The following ROBO2 variants were observed in gnomAD, a reference collection of about 807,000 sequenced individuals.
ROBO2 encodes roundabout guidance receptor 2, also known as roundabout homolog 2.
Under a neutral mutation model 160.8 loss-of-function variants are expected in ROBO2, and 53 were observed. The observed-to-expected ratio is 0.33, with a 90% CI of 0.26 to 0.41. The LOEUF (loss-of-function observed/expected upper bound fraction) is 0.41, where lower values mean the gene tolerates loss of function less well. Among genes scored for constraint, ROBO2 ranks in the 10% least tolerant of loss-of-function variants. The pLI is 1.00. For synonymous variants in ROBO2, 664 were observed against 611.7 expected (o/e 1.09, Z -1.26); for missense variants, 1,577 against 1,722.4 (o/e 0.92, Z 1.49).
chr3:77,527,607 CATA>C (rs1478635893), intron 6 of ROBO2, among the ~76,000 whole-genome samples, 193 bp downstream of exon 7: 1 of 151,322 alleles, frequency 6.6e-6, no homozygotes, highest in African/African-American at 2.4e-5. Context: ...ACTTTTGCTA[CATA>C]GCAATAAGTA....
At chr3:76,105,350 C>A (rs1336427349) in intron 2 of ROBO2, among the ~76,000 whole-genome samples, 2 of 152,086 alleles carry the variant, frequency 1.3e-5, no homozygotes. Context: ...AATAATATAA[C>A]AAATTCTTGT....
At chr3:77,375,333 A>AT (rs1553928221) in intron 2 of ROBO2, among the ~76,000 whole-genome samples, 1 of 152,140 alleles carries the variant, frequency 6.6e-6, no homozygotes, top group Non-Finnish European at 1.5e-5. Flanking sequence ...TTTCTCATTT[A>AT]TTTTTTCTGT....
intron 18 of ROBO2, 40 bp downstream of exon 19, chr3:77,595,224 A>G (rs1203033803): frequency 2.7e-6 from 4 of 1,481,910 alleles, no homozygotes; most frequent in Non-Finnish European, 3.8e-6. Flanking sequence ...TTTTATTTTT[A>G]ATCAGGACTG....
intron 3 of ROBO2, among the ~76,000 whole-genome samples, chr3:77,479,584 G>A (rs909623191): frequency 1.3e-5 from 2 of 150,510 alleles, no homozygotes; most frequent in African/African-American, 2.4e-5. Flanking sequence ...CCCAACACCA[G>A]TCTCACTATT....
intron 2 of ROBO2, among the ~76,000 whole-genome samples, chr3:76,936,456 A>G (rs1343407345): frequency 1.3e-5 from 2 of 152,122 alleles, no homozygotes; most frequent in Non-Finnish European, 2.9e-5. Context: ...TTTTGTATGC[A>G]GCAACTTCAA....
At chr3:77,575,189 T>C (rs1230997407) in intron 14 of ROBO2, among the ~76,000 whole-genome samples, 1 of 152,108 alleles carries the variant, frequency 6.6e-6, no homozygotes, top group Non-Finnish European at 1.5e-5. Flanking sequence ...CACTTGCGTA[T>C]TTGCAGTAGC....
chr3:76,693,025 TATAC>T (rs1196058960), intron 2 of ROBO2, among the ~76,000 whole-genome samples: 1 of 146,904 alleles, frequency 6.8e-6, no homozygotes, highest in Non-Finnish European at 1.5e-5. Context: ...CATATGTGTA[TATAC>T]ATACATAAGT....
intron 2 of ROBO2, among the ~76,000 whole-genome samples, chr3:77,259,188 T>A (rs2058620325): frequency 6.6e-6 from 1 of 152,250 alleles, no homozygotes; most frequent in Middle Eastern, 3.2e-3. Context: ...ACACACCTGT[T>A]ATTGCCTGCT....
At chr3:76,634,496 A>G (rs180691639) in intron 2 of ROBO2, among the ~76,000 whole-genome samples, 2 of 151,656 alleles carry the variant, frequency 1.3e-5, no homozygotes, top group Admixed American at 6.6e-5. Context: ...TGAACCTGGG[A>G]GGCAGGGGTT....
At chr3:77,288,166 A>G (rs1473890994) in intron 2 of ROBO2, among the ~76,000 whole-genome samples, 1 of 152,178 alleles carries the variant, frequency 6.6e-6, no homozygotes, top group African/African-American at 2.4e-5. Flanking sequence ...AAATTGACCG[A>G]GCATGAAATT....
Position 76,046,553 on chromosome 3 carries a change from CAGG to C in ROBO2, c.109+108954_109+108956del, listed in dbSNP as rs370440224. Among the ~76,000 whole-genome samples, 326 of 151,994 alleles carry C rather than the reference CAGG, an allele frequency of 2.1e-3. 6 individuals are homozygous for C. Among genetic ancestry groups the C allele is most frequent in the African/African-American group, 7.6e-3 (314 of 41,322 alleles). On this transcript the variant is annotated intron_variant, in intron 2 of 26. Transcript: ENST00000487694. Reference sequence around the variant, plus strand: ...GTCCCAGCTACTCGGGAGGCTGAGGCAGGAGAATGGCGTGAACCCGGGAGGCGG... The same window carrying C: ...GTCCCAGCTACTCGGGAGGCTGAGGCAGAATGGCGTGAACCCGGGAGGCGG...
At chr3:77,053,914 A>T (rs576286566) in intron 1 of ROBO2, among the ~76,000 whole-genome samples, 1 of 152,332 alleles carries the variant, frequency 6.6e-6, no homozygotes, top group South Asian at 2.1e-4. Context: ...TAGGAGTGTT[A>T]TATCCCAGTT....
chr3:76,194,518 G>A (rs1702169079), intron 2 of ROBO2, among the ~76,000 whole-genome samples: 1 of 151,276 alleles, frequency 6.6e-6, no homozygotes, highest in East Asian at 1.9e-4. Flanking sequence ...TAGTCACTGA[G>A]GACATATATT....
chr3:77,082,811 AT>A (rs35236269), intron 1 of ROBO2, among the ~76,000 whole-genome samples: 23,247 of 146,658 alleles, frequency 0.16, 3,534 homozygotes, highest in African/African-American at 0.41. Flanking sequence ...CACTTAAAAC[AT>A]TTTTTTTTTT....
intron 1 of ROBO2, among the ~76,000 whole-genome samples, chr3:77,064,172 T>C (rs2066603265): frequency 6.6e-6 from 1 of 152,166 alleles, no homozygotes; most frequent in African/African-American, 2.4e-5. Context: ...TTTTTAAAAT[T>C]ACCTTAAAAA....
chr3:76,138,880 G>T (rs572758177), intron 2 of ROBO2, among the ~76,000 whole-genome samples: 82 of 152,140 alleles, frequency 5.4e-4, no homozygotes, highest in African/African-American at 1.9e-3. Context: ...TGTTTTCAAA[G>T]TTCAGTAAAG....
chr3:75,985,481 T>C (rs1057316446), intron 2 of ROBO2, among the ~76,000 whole-genome samples: 1 of 151,722 alleles, frequency 6.6e-6, no homozygotes, highest in Admixed American at 6.6e-5. Context: ...CATTGATGCA[T>C]TGTACTATGA....
intron 2 of ROBO2, among the ~76,000 whole-genome samples, chr3:76,148,470 C>T (rs78626197): frequency 0.023 from 3,516 of 152,150 alleles, 222 homozygotes; most frequent in East Asian, 0.22. Flanking sequence ...ATTAAAGCAT[C>T]TTTTCCCTTT....
At chr3:76,273,326 A>G (rs2107642445) in intron 2 of ROBO2, among the ~76,000 whole-genome samples, 1 of 151,188 alleles carries the variant, frequency 6.6e-6, no homozygotes, top group South Asian at 2.1e-4. Context: ...TAAGATTTTG[A>G]CTCTCAGGAG....
Sources: allele counts gnomAD v4.1 joint callset (sites outside exome capture counted in the v4.1 genomes callset), GRCh38; gene constraint gnomAD v4.1.1; transcripts MANE v1.5; gene names NCBI Gene and HGNC (gene_info 2026-07-23, HGNC 2026-07-21).